Variants in PCDHGB4 observed in about 807,000 individuals in gnomAD.
PCDHGB4 encodes the protein protocadherin gamma-B4.
In PCDHGB4, 38 loss-of-function variants were observed where a neutral mutation model predicts 60.5. The ratio of observed to expected loss-of-function variants is 0.63; its 90% CI spans 0.48 to 0.82. PCDHGB4 has a LOEUF of 0.82. Among genes scored for constraint, PCDHGB4 ranks in the 40% least tolerant of loss-of-function variants. PCDHGB4 has a pLI of 0.00. For missense variants in PCDHGB4, 1,109 were observed against 1,209.6 expected (o/e 0.92, Z 1.23); for synonymous variants, 456 against 509.7 (o/e 0.89, Z 1.42).
intron 1 of PCDHGB4, chr5:141,421,544 A>G (rs2096582597): frequency 6.2e-7 from 1 of 1,613,912 alleles, no homozygotes; most frequent in African/African-American, 1.3e-5. Context: ...TGTTTTTTAA[A>G]TATGGAACTT....
intron 1 of PCDHGB4, chr5:141,398,973 C>T: frequency 6.2e-7 from 1 of 1,613,952 alleles, no homozygotes; most frequent in Non-Finnish European, 8.5e-7. Context: ...ATTCCTTCTA[C>T]AGAACCGGGC....
intron 2 of PCDHGB4, 107 bp from the exon 3 acceptor site, chr5:141,505,286 A>T: frequency 3.2e-6 from 5 of 1,551,278 alleles, no homozygotes; most frequent in Non-Finnish European, 4.4e-6. Flanking sequence ...GGTCTTGGGC[A>T]TGGGGTAGGG....
At chr5:141,484,958 G>T in intron 1 of PCDHGB4, 1 of 575,874 alleles carries the variant, frequency 1.7e-6, no homozygotes. Flanking sequence ...TATTGGCTGA[G>T]CCCGGGAGCC....
intron 1 of PCDHGB4, chr5:141,409,483 G>C: frequency 6.2e-7 from 1 of 1,613,944 alleles, no homozygotes; most frequent in Non-Finnish European, 8.5e-7. Context: ...CCACTGACAG[G>C]GGCAAGCCGC....
At chr5:141,399,588 C>A (rs2093842272) in intron 1 of PCDHGB4, 1 of 1,613,894 alleles carries the variant, frequency 6.2e-7, no homozygotes, top group South Asian at 1.1e-5. Context: ...CCTACTCTAT[C>A]ATGGCCAGCG....
intron 1 of PCDHGB4, among the ~76,000 whole-genome samples, chr5:141,449,042 A>G (rs1211970675): frequency 6.6e-6 from 1 of 152,186 alleles, no homozygotes; most frequent in Non-Finnish European, 1.5e-5. Context: ...ATTATTAACC[A>G]GTCTCATAAA....
intron 3 of PCDHGB4, among the ~76,000 whole-genome samples, chr5:141,510,624 A>C (rs2099881973): frequency 6.6e-6 from 1 of 152,164 alleles, no homozygotes; most frequent in African/African-American, 2.4e-5. Flanking sequence ...TAAAACCAGA[A>C]GAGGTGGTTA....
intron 1 of PCDHGB4, among the ~76,000 whole-genome samples, chr5:141,437,929 G>A (rs1479763331): frequency 6.6e-6 from 1 of 151,960 alleles, no homozygotes; most frequent in East Asian, 1.9e-4. Context: ...GTAGAGATGG[G>A]GTTTCACCAT....
chr5:141,434,132 G>A (rs2097674012), intron 1 of PCDHGB4, among the ~76,000 whole-genome samples: 1 of 152,194 alleles, frequency 6.6e-6, no homozygotes, highest in South Asian at 2.1e-4. Context: ...CCTTTAGGCT[G>A]ATTTCTATGT....
At chr5:141,494,922 C>T (rs1401836511) in intron 2 of PCDHGB4, 57 bp downstream of exon 2, 23 of 1,613,670 alleles carry the variant, frequency 1.4e-5, no homozygotes, top group Non-Finnish European at 1.9e-5. Flanking sequence ...TCAGGGATGA[C>T]GTGGGAGGAG....
Position 141,476,242 on chromosome 5 carries a change from G to T in PCDHGB4, c.2398-18565G>T. ...ACTATGAGATCCCGGAGGAAAGAGA[G>T]AAGGGTTTCGCTGTGGGCAACGTGG... is the stretch of plus-strand genomic sequence containing the variant. On this transcript the variant is annotated intron_variant, in intron 1 of 3. Coordinates refer to ENST00000519479, the MANE Select transcript of PCDHGB4 (RefSeq NM_003736.4). The surrounding 1 kb of genome is among the most constrained non-coding windows in gnomAD (Gnocchi z 7.6). 6.2e-7 allele frequency: 1 copy of T among 1,614,100 alleles called. No individual in the cohort carries two copies.
rs748591129 is a variant in PCDHGB4 at position 141,388,776 on chromosome 5, G to A, written c.892G>A (p.Glu298Lys). ...TQFDLNSNTG[E>K]ITVLNTLDFE... ...ATTTGACCTGAACTCTAACACCGGG[G>A]AAATTACTGTTTTAAATACATTAGA... Residue 298 changes from glutamate (E) to lysine (K), a missense_variant, in exon 1 of 4, where the codon GAA becomes AAA. Transcript: ENST00000519479. 8.7e-6 allele frequency: 14 copies of A among 1,613,806 alleles called. 1 individual carries two copies. In the South Asian group the frequency reaches 1.1e-4, roughly 13 times the overall value.
chr5:141,456,700 C>G (rs1420857227), intron 1 of PCDHGB4, among the ~76,000 whole-genome samples: 2 of 152,060 alleles, frequency 1.3e-5, no homozygotes, highest in Admixed American at 1.3e-4. Flanking sequence ...CGTGGTGGCT[C>G]GCGCCTGTAA....
Position 141,415,748 on chromosome 5 carries a change from T to G in PCDHGB4, c.2397+25467T>G, listed in dbSNP as rs1345423849. On this transcript the variant is annotated intron_variant, in intron 1 of 3. Transcript: ENST00000519479. ...ATTTGATGTTTATTAAGGTTTTTTT[T>G]TTTTTTTTTTTTTTTTTTTTTTTTA... is the stretch of plus-strand genomic sequence containing the variant. 87 of 1,008,904 alleles carry G rather than the reference T, an allele frequency of 8.6e-5. No individual in the cohort carries two copies. The Middle Eastern group carries it at 1.2e-3, about 13-fold the overall frequency. 62.5% of individuals were successfully genotyped at this position (1,008,904 alleles called of 1,614,324 possible).
At chr5:141,405,002 C>G in intron 1 of PCDHGB4, 2 of 1,613,988 alleles carry the variant, frequency 1.2e-6, no homozygotes, top group Non-Finnish European at 1.7e-6. Context: ...CCCTGCAGAC[C>G]TGGAGGCCTC....
At chr5:141,438,649 CACATATATGTAT>C (rs1346265042) in intron 1 of PCDHGB4, among the ~76,000 whole-genome samples, 20 of 100,970 alleles carry the variant, frequency 2.0e-4, no homozygotes, top group Admixed American at 2.1e-4. Flanking sequence ...CACACACACA[CACATATATGTAT>C]ATATATATTT....
chr5:141,472,335 A>T (rs1033984936), intron 1 of PCDHGB4, among the ~76,000 whole-genome samples: 38 of 151,784 alleles, frequency 2.5e-4, no homozygotes, highest in Non-Finnish European at 2.5e-4. Context: ...AGGTTGGGAG[A>T]TCGAGACCAT....
chr5:141,425,523 T>C (rs1260519939), intron 1 of PCDHGB4, among the ~76,000 whole-genome samples: 1 of 152,248 alleles, frequency 6.6e-6, no homozygotes, highest in Admixed American at 6.5e-5. Flanking sequence ...TGATGAAACA[T>C]GAAACAATAA....
intron 1 of PCDHGB4, 166 bp downstream of exon 1, chr5:141,390,447 G>A: frequency 1.2e-6 from 1 of 843,848 alleles, no homozygotes; most frequent in Non-Finnish European, 1.8e-6. Flanking sequence ...TACAAAGGAG[G>A]AGTAAAGTAG....
Sources: gnomAD v4.1 joint callset for allele counts (sites outside exome capture counted in the v4.1 genomes callset) on GRCh38, gnomAD v4.1.1 for gene constraint, Gnocchi (gnomAD v3.1) non-coding constraint, MANE v1.5 for transcripts, NCBI Gene and HGNC (gene_info 2026-07-23, HGNC 2026-07-21) for gene names.